The following NHSL1 variants were observed in gnomAD, a reference collection of about 807,000 sequenced individuals.
NHSL1 encodes the protein NHS-like protein 1.
Under a neutral mutation model 95.0 loss-of-function variants are expected in NHSL1, and 48 were observed. The observed-to-expected ratio is 0.51, with a 90% CI of 0.40 to 0.64. The LOEUF (loss-of-function observed/expected upper bound fraction) is 0.64. Among genes scored for constraint, NHSL1 ranks in the 30% least tolerant of loss-of-function variants. NHSL1 has a pLI of 0.00. For missense variants in NHSL1, 1,971 were observed against 2,077.7 expected (o/e 0.95, Z 1.00); for synonymous variants, 783 against 833.9 (o/e 0.94, Z 1.05).
intron 1 of NHSL1, among the ~76,000 whole-genome samples, chr6:138,636,425 A>G (rs370007479): frequency 6.6e-6 from 1 of 152,174 alleles, no homozygotes; most frequent in Non-Finnish European, 1.5e-5. Context: ...GAGAAATCAG[A>G]CAAGAGAAAG....
intron 1 of NHSL1, among the ~76,000 whole-genome samples, chr6:138,604,449 C>T (rs1020811474): frequency 2.6e-5 from 4 of 152,078 alleles, no homozygotes; most frequent in African/African-American, 9.7e-5. Flanking sequence ...GTTAAGAAGC[C>T]CTGCTCTACA....
intron 1 of NHSL1, among the ~76,000 whole-genome samples, chr6:138,525,025 C>T (rs935392377): frequency 2.0e-5 from 3 of 152,098 alleles, no homozygotes; most frequent in Non-Finnish European, 2.9e-5. Context: ...TGGGCGGCTA[C>T]GAACCATGAT....
At chr6:138,495,605 C>T (rs1325255422) in intron 2 of NHSL1, among the ~76,000 whole-genome samples, 2 of 152,308 alleles carry the variant, frequency 1.3e-5, no homozygotes, top group Non-Finnish European at 2.9e-5. Flanking sequence ...GCGGTTTAAA[C>T]ATGCTAAAGT....
intron 3 of NHSL1, among the ~76,000 whole-genome samples, chr6:138,462,693 C>A (rs1211906706): frequency 1.3e-5 from 2 of 152,236 alleles, no homozygotes; most frequent in South Asian, 4.1e-4. Context: ...TATAGTAGGA[C>A]TGCTAGGCAG....
At chr6:138,524,057 ATTTCCAAAG>A (rs1781801624) in intron 1 of NHSL1, among the ~76,000 whole-genome samples, 1 of 152,156 alleles carries the variant, frequency 6.6e-6, no homozygotes, top group African/African-American at 2.4e-5. Flanking sequence ...AAGCTAAGTA[ATTTCCAAAG>A]GCCTTAAGCT....
intron 7 of NHSL1, among the ~76,000 whole-genome samples, chr6:138,426,434 T>C (rs1472950524): frequency 6.6e-6 from 1 of 152,228 alleles, no homozygotes; most frequent in Admixed American, 6.5e-5. Context: ...CCTTGTTCTG[T>C]CACCTTGGAC....
intron 2 of NHSL1, among the ~76,000 whole-genome samples, chr6:138,480,334 G>A (rs1779340590): frequency 6.6e-6 from 1 of 152,106 alleles, no homozygotes; most frequent in South Asian, 2.1e-4. Context: ...TTTTCCATTC[G>A]CATTTGGTTT....
At chr6:138,479,616 T>G (rs1779294672) in intron 2 of NHSL1, among the ~76,000 whole-genome samples, 2 of 152,234 alleles carry the variant, frequency 1.3e-5, no homozygotes, top group African/African-American at 4.8e-5. Context: ...AATTGTTCAC[T>G]TCTGGAATTT....
chr6:138,567,970 G>A (rs1783681835), intron 1 of NHSL1, among the ~76,000 whole-genome samples: 3 of 152,126 alleles, frequency 2.0e-5, no homozygotes, highest in Admixed American at 6.5e-5. Flanking sequence ...AACAAGCTCT[G>A]CTCAATGAGA....
At chr6:138,452,511 A>G (rs1777303750) in intron 3 of NHSL1, among the ~76,000 whole-genome samples, 1 of 152,232 alleles carries the variant, frequency 6.6e-6, no homozygotes, top group Admixed American at 6.5e-5. Context: ...TAAACTTAGT[A>G]TTCATTTAGA....
Position 138,625,129 on chromosome 6 carries a change from G to A in NHSL1, c.96+67347C>T, listed in dbSNP as rs997559050. Among the ~76,000 whole-genome samples the A allele has an allele frequency of 4.2e-4, 63 of 150,634 alleles. No individual in the cohort carries two copies. In the Middle Eastern group the frequency reaches 0.01, roughly 25 times the overall value. ...TTAAATCATCAATTAACACTTTTTT[G>A]TTGTTGTTGCTTTGTTTTGCTTTGC... On this transcript the variant is annotated intron_variant, in intron 1 of 3. Transcript: ENST00000491526.
At chr6:138,642,879 G>T (rs924364342) in intron 1 of NHSL1, among the ~76,000 whole-genome samples, 16 of 152,082 alleles carry the variant, frequency 1.1e-4, no homozygotes, top group Non-Finnish European at 2.1e-4. Context: ...TTCAAAGAAA[G>T]ACACCATAAT....
In NHSL1 at chr6:138,499,266, T is replaced by C; in HGVS notation, c.25A>G (p.Ile9Val). 3 of 1,550,598 alleles carry C rather than the reference T, an allele frequency of 1.9e-6. No individual in the cohort carries two copies. The highest frequency in any genetic ancestry group is 2.6e-6 in the Non-Finnish European group (3 of 1,146,172). Reference protein sequence around the residue: MVVFINAKIKSLIKLFKKK... With the variant: MVVFINAKVKSLIKLFKKK... ...TTAAAAAGTTTAATTAAAGACTTAA[T>C]CTTTGCATTAATGAAGACCACCATT... Residue 9 changes from isoleucine (I) to valine (V), a missense_variant, in exon 1 of 8, where the codon ATT becomes GTT. Ile to Val is a conservative substitution (Grantham distance 29, BLOSUM62 3). Around this residue, in one of 3 missense-constraint regions of NHSL1, gnomAD observed 1,602 missense variants for 1,654.5 expected, o/e 0.97. Transcript: ENST00000343505.
intron 1 of NHSL1, among the ~76,000 whole-genome samples, chr6:138,584,975 A>G (rs2114502168): frequency 6.6e-6 from 1 of 152,342 alleles, no homozygotes; most frequent in South Asian, 2.1e-4. Flanking sequence ...GGGCCTTAAC[A>G]GCTGTACTCA....
At position 138,571,917 on chromosome 6, in the gene NHSL1, T is replaced by C. The variant is rs1274998291; in HGVS notation, c.-6A>G. On this transcript the variant is annotated 5_prime_UTR_variant, in exon 1 of 7. Coordinates refer to the NHSL1 transcript ENST00000427025. ...GAAGAGCCTTCCTTTTTCATCTTCT[T>C]TTCAAAATCAACTAGAGACAAAGAA... 2.6e-6 allele frequency: 4 copies of C among 1,550,976 alleles called. No homozygotes were observed. In the Admixed American group the frequency reaches 7.9e-5, roughly 30 times the overall value.
At chr6:138,429,448 T>C (rs1420429224) in intron 7 of NHSL1, among the ~76,000 whole-genome samples, 1 of 152,168 alleles carries the variant, frequency 6.6e-6, no homozygotes, top group Non-Finnish European at 1.5e-5. Context: ...ACTGCGCTCC[T>C]TGCCAGGAAG....
At chr6:138,481,248 T>A (rs1779400791) in intron 2 of NHSL1, among the ~76,000 whole-genome samples, 1 of 152,170 alleles carries the variant, frequency 6.6e-6, no homozygotes, top group Non-Finnish European at 1.5e-5. Context: ...AGAGAACTTA[T>A]TTTCTTAATG....
intron 1 of NHSL1, among the ~76,000 whole-genome samples, chr6:138,668,616 A>ATT (rs940527753): frequency 6.7e-6 from 1 of 149,404 alleles, no homozygotes; most frequent in African/African-American, 2.5e-5. Context: ...AAAACAAGAA[A>ATT]TTTTTTTTTC....
chr6:138,607,024 A>C (rs1784444835), intron 1 of NHSL1, among the ~76,000 whole-genome samples: 1 of 152,012 alleles, frequency 6.6e-6, no homozygotes, highest in Non-Finnish European at 1.5e-5. Context: ...TTCTTTAATC[A>C]GCTAAGATAG....
Sources: gnomAD v4.1 joint callset for allele counts (sites outside exome capture counted in the v4.1 genomes callset) on GRCh38, gnomAD v4.1.1 for gene constraint, gnomAD v4.1.1 regional missense constraint, MANE v1.5 for transcripts, NCBI Gene and HGNC (gene_info 2026-07-23, HGNC 2026-07-21) for gene names.